The following PRKN variants were observed in gnomAD, a reference collection of about 807,000 sequenced individuals.
The protein encoded by PRKN is parkin RBR E3 ubiquitin protein ligase.
In PRKN, 56 loss-of-function variants were observed where a neutral mutation model predicts 59.5. The ratio of observed to expected loss-of-function variants is 0.94; its 90% CI spans 0.76 to 1.18. The LOEUF (loss-of-function observed/expected upper bound fraction) is 1.18, where lower values mean the gene tolerates loss of function less well. Ranked by LOEUF, PRKN falls within the 50% of genes most tolerant of loss-of-function variation. PRKN has a pLI of 0.00. For missense variants in PRKN, 657 were observed against 596.4 expected (o/e 1.10, Z -1.06); for synonymous variants, 250 against 222.1 (o/e 1.13, Z -1.12).
intron 3 of PRKN, among the ~76,000 whole-genome samples, chr6:162,214,041 G>A (rs1036161195): frequency 6.6e-6 from 1 of 152,114 alleles, no homozygotes; most frequent in South Asian, 2.1e-4. Context: ...AATGCTGTTA[G>A]GGAGTGACCC....
intron 4 of PRKN, among the ~76,000 whole-genome samples, chr6:162,092,964 G>A (rs1779567888): frequency 6.6e-6 from 1 of 152,194 alleles, no homozygotes; most frequent in Admixed American, 6.5e-5. Context: ...CTCACGCTTA[G>A]CTCTCAGAGC....
At chr6:161,965,205 T>C (rs1392864343) in intron 6 of PRKN, among the ~76,000 whole-genome samples, 5 of 152,106 alleles carry the variant, frequency 3.3e-5, no homozygotes, top group African/African-American at 7.3e-5. Context: ...CATTGTGGCA[T>C]TGCTTCAATA....
At chr6:162,449,986 T>C (rs918887316) in intron 1 of PRKN, among the ~76,000 whole-genome samples, 11 of 152,190 alleles carry the variant, frequency 7.2e-5, no homozygotes, top group African/African-American at 2.7e-4. Context: ...TCCGTGCACA[T>C]GGCATGTGGG....
intron 9 of PRKN, among the ~76,000 whole-genome samples, chr6:161,501,571 CT>C (rs113906448): frequency 0.17 from 24,974 of 150,724 alleles, 2,423 homozygotes; most frequent in Middle Eastern, 0.3. Context: ...CTGTTGAATG[CT>C]TTTTTTTTAA....
chr6:161,560,977 G>T lies in PRKN; in HGVS notation c.933+8378C>A, dbSNP rs1342480251. ...AAAACATCACCTCCACCTTCCCTGG[G>T]CGTGTAGCCCTGCAGCTGGACACAA... On this transcript the variant is annotated intron_variant, in intron 8 of 11. Transcript: ENST00000366898. The surrounding 1 kb of genome is among the most constrained non-coding windows in gnomAD (Gnocchi z 4.9). Among the ~76,000 whole-genome samples the T allele has an allele frequency of 6.6e-6, 1 of 152,110 alleles. No individual in the cohort carries two copies. Among genetic ancestry groups the T allele is most frequent in the Non-Finnish European group, 1.5e-5 (1 of 68,034 alleles).
At position 161,569,422 on chromosome 6, in the gene PRKN, G is replaced by A; in HGVS notation, c.872-6C>T. ...CAAGGAGTTGGGACAGCCAGCTGTTGGAAAGAAGAATTAATCACAAAAACG... is the reference window on the plus strand; with the variant it reads ...CAAGGAGTTGGGACAGCCAGCTGTTAGAAAGAAGAATTAATCACAAAAACG... On this transcript the variant is annotated splice_region_variant and splice_polypyrimidine_tract_variant and intron_variant, in intron 7 of 11. Coordinates refer to ENST00000366898, the MANE Select transcript of PRKN (RefSeq NM_004562.3). The A allele has an allele frequency of 6.2e-7, 1 of 1,612,638 alleles. No individual in the cohort carries two copies. The highest frequency in any genetic ancestry group is 8.5e-7 in the Non-Finnish European group (1 of 1,178,710).
At chr6:161,622,115 C>T (rs1378577757) in intron 7 of PRKN, among the ~76,000 whole-genome samples, 1 of 152,108 alleles carries the variant, frequency 6.6e-6, no homozygotes, top group Non-Finnish European at 1.5e-5. Context: ...ACTGGGTCCT[C>T]ATGGTGAGTG....
At chr6:162,005,781 GA>G (rs563622462) in intron 5 of PRKN, among the ~76,000 whole-genome samples, 50 of 152,106 alleles carry the variant, frequency 3.3e-4, no homozygotes, top group African/African-American at 9.4e-4. Context: ...TTTTTGGGGG[GA>G]AAAAAGTTAA....
intron 2 of PRKN, among the ~76,000 whole-genome samples, chr6:162,404,779 T>C (rs1233230430): frequency 6.6e-6 from 1 of 152,180 alleles, no homozygotes; most frequent in Non-Finnish European, 1.5e-5. Context: ...CTCGAACTCC[T>C]GACCTCAGGT....
At position 161,371,786 on chromosome 6, in the gene PRKN, G is replaced by A. The variant is rs1484162077; in HGVS notation, c.1168-11581C>T. On this transcript the variant is annotated intron_variant, in intron 10 of 11. Transcript: ENST00000366898. The surrounding 1 kb of genome is among the most constrained non-coding windows in gnomAD (Gnocchi z 5.5). Reference sequence around the variant, plus strand: ...CCTGAGTAGCTGGGATTACAGGCATGCACCACCCCACCTCGCTAATTTTTG... The same window carrying A: ...CCTGAGTAGCTGGGATTACAGGCATACACCACCCCACCTCGCTAATTTTTG... Among the ~76,000 whole-genome samples, 1 of 152,086 alleles carries A rather than the reference G, an allele frequency of 6.6e-6. No individual in the cohort carries two copies. The highest frequency in any genetic ancestry group is 1.5e-5 in the Non-Finnish European group (1 of 68,000).
intron 7 of PRKN, among the ~76,000 whole-genome samples, chr6:161,725,097 C>T (rs566667176): frequency 1.8e-4 from 27 of 152,180 alleles, no homozygotes; most frequent in African/African-American, 5.1e-4. Flanking sequence ...CAGACGCTGG[C>T]GCCATGCTTC....
intron 7 of PRKN, among the ~76,000 whole-genome samples, chr6:161,577,100 G>A (rs900176997): frequency 1.3e-5 from 2 of 152,168 alleles, no homozygotes; most frequent in African/African-American, 4.8e-5. Context: ...GTCTTAAAGT[G>A]TATTACAATA....
chr6:161,955,171 G>A (rs1189541930), intron 6 of PRKN, among the ~76,000 whole-genome samples: 2 of 151,948 alleles, frequency 1.3e-5, no homozygotes, highest in East Asian at 3.9e-4. Flanking sequence ...TTGAAAGTTG[G>A]GCAAGATAAC....
At chr6:161,799,496 T>C (rs912322883) in intron 6 of PRKN, among the ~76,000 whole-genome samples, 1 of 152,148 alleles carries the variant, frequency 6.6e-6, no homozygotes, top group East Asian at 1.9e-4. Context: ...CTGAGTCCAG[T>C]TTGGAGAGCA....
At chr6:161,743,415 T>C (rs926443552) in intron 7 of PRKN, among the ~76,000 whole-genome samples, 1 of 150,212 alleles carries the variant, frequency 6.7e-6, no homozygotes, top group African/African-American at 2.5e-5. Flanking sequence ...TATTTATTTA[T>C]TTATTTTGTA....
At chr6:161,884,207 T>C (rs1017097899) in intron 6 of PRKN, among the ~76,000 whole-genome samples, 1 of 152,172 alleles carries the variant, frequency 6.6e-6, no homozygotes, top group African/African-American at 2.4e-5. Flanking sequence ...AACACACTGA[T>C]GAAAGAAACA....
At chr6:162,279,420 GGAAAGAAA>G (rs1406310351) in intron 2 of PRKN, among the ~76,000 whole-genome samples, 21 of 144,968 alleles carry the variant, frequency 1.4e-4, no homozygotes, top group Non-Finnish European at 2.7e-4. Flanking sequence ...AAAGAAAGAA[GGAAAGAAA>G]GAAAAAGAAA....
intron 2 of PRKN, among the ~76,000 whole-genome samples, chr6:162,395,812 C>T (rs1787446127): frequency 6.6e-6 from 1 of 152,166 alleles, no homozygotes; most frequent in Non-Finnish European, 1.5e-5. Flanking sequence ...GGCTCTCAGG[C>T]CTAGTCTGTC....
chr6:161,795,294 G>A (rs1391504704), intron 6 of PRKN, among the ~76,000 whole-genome samples: 24 of 148,842 alleles, frequency 1.6e-4, no homozygotes, highest in African/African-American at 5.2e-4. Flanking sequence ...GTGCAGTGGC[G>A]CAATCTCGGC....
Sources: gnomAD v4.1 joint callset for allele counts (sites outside exome capture counted in the v4.1 genomes callset) on GRCh38, gnomAD v4.1.1 for gene constraint, Gnocchi (gnomAD v3.1) non-coding constraint, MANE v1.5 for transcripts, NCBI Gene and HGNC (gene_info 2026-07-23, HGNC 2026-07-21) for gene names.